UPP2: variants seen among roughly 807,000 people sequenced by gnomAD.
UPP2 encodes UPase 2.
A neutral mutation model predicts 26.7 loss-of-function variants in UPP2; 23 were observed. That is an observed-to-expected ratio of 0.86 (90% CI 0.62 to 1.22). UPP2 has a LOEUF of 1.22. Among genes scored for constraint, UPP2 ranks in the 50% most tolerant of loss-of-function variants. The pLI is 0.00. For synonymous variants in UPP2, 127 were observed against 141.3 expected, an observed-to-expected ratio of 0.90 and a Z score of 0.72; for missense variants, 387 against 396.7, an observed-to-expected ratio of 0.98 and a Z score of 0.21.
In UPP2 at chr2:158,004,659, G is replaced by A. The variant is rs77903391; in HGVS notation, c.61+9400G>A. Among the ~76,000 whole-genome samples, 1,376 of 152,218 alleles carry A rather than the reference G, an allele frequency of 9.0e-3. 24 individuals carry two copies. Among genetic ancestry groups the A allele is most frequent in the African/African-American group, 0.028 (1,176 of 41,522 alleles). On this transcript the variant is annotated intron_variant, in intron 2 of 9. Coordinates refer to the UPP2 transcript ENST00000605860. ...GGAGATGGATAAGAAACAAGTAAAC[G>A]CCCAACTTTCTGTGCTTCCTCAGTT... is the stretch of plus-strand genomic sequence containing the variant.
intron 3 of UPP2, among the ~76,000 whole-genome samples, chr2:158,064,460 T>G (rs1682403820): frequency 6.6e-6 from 1 of 152,096 alleles, no homozygotes; most frequent in Admixed American, 6.5e-5. Flanking sequence ...TCTTGTAAAT[T>G]TAAGTTCTTT....
At chr2:158,065,865 C>A in intron 3 of UPP2, 1 of 655,912 alleles carries the variant, frequency 1.5e-6, no homozygotes, top group Non-Finnish European at 2.8e-6. Context: ...CATTGCAGGC[C>A]TTGGGAGAGC....
chr2:158,095,429 T>C (rs1682969911), intron 3 of UPP2, among the ~76,000 whole-genome samples: 1 of 152,118 alleles, frequency 6.6e-6, no homozygotes, highest in Non-Finnish European at 1.5e-5. Flanking sequence ...CAGTCCTACT[T>C]CACCTTCAAC....
intron 6 of UPP2, among the ~76,000 whole-genome samples, chr2:158,127,421 G>A (rs1445101819): frequency 3.3e-5 from 5 of 151,892 alleles, no homozygotes; most frequent in Admixed American, 1.3e-4. Context: ...AATAATGCCT[G>A]CCATATGGGC....
intron 3 of UPP2, among the ~76,000 whole-genome samples, chr2:158,024,520 T>G (rs1242022873): frequency 6.6e-6 from 1 of 152,198 alleles, no homozygotes; most frequent in Non-Finnish European, 1.5e-5. Context: ...CGGCGTCAAT[T>G]TGAAGAGCTC....
intron 3 of UPP2, among the ~76,000 whole-genome samples, chr2:158,096,402 C>A (rs1049865995): frequency 6.6e-6 from 1 of 152,142 alleles, no homozygotes; most frequent in African/African-American, 2.4e-5. Context: ...AGTTCGAGAC[C>A]AGCCTGGCCA....
intron 3 of UPP2, among the ~76,000 whole-genome samples, chr2:158,022,663 A>G (rs1683771088): frequency 6.6e-6 from 1 of 152,038 alleles, no homozygotes; most frequent in Admixed American, 6.5e-5. Flanking sequence ...CTCCATTCCC[A>G]TCTTCTCCCC....
intron 3 of UPP2, among the ~76,000 whole-genome samples, chr2:158,079,304 A>AC (rs1470252716): frequency 6.6e-6 from 1 of 152,154 alleles, no homozygotes; most frequent in Non-Finnish European, 1.5e-5. Flanking sequence ...TTTTTAAAAA[A>AC]AGGAAAAAGC....
chr2:158,035,788 T>C (rs1440622076), intron 3 of UPP2, among the ~76,000 whole-genome samples: 1 of 152,226 alleles, frequency 6.6e-6, no homozygotes, highest in African/African-American at 2.4e-5. Flanking sequence ...GATTGACTGG[T>C]CCAGAGATGT....
At chr2:158,120,553 T>A (rs1683542964) in intron 4 of UPP2, among the ~76,000 whole-genome samples, 1 of 152,040 alleles carries the variant, frequency 6.6e-6, no homozygotes, top group South Asian at 2.1e-4. Context: ...GAGAAAAAGA[T>A]AAACAAATGG....
intron 3 of UPP2, among the ~76,000 whole-genome samples, chr2:158,028,202 T>C (rs1238832553): frequency 6.6e-6 from 1 of 152,208 alleles, no homozygotes; most frequent in Non-Finnish European, 1.5e-5. Context: ...GCTGCAGATT[T>C]TCCAAACTTT....
Position 158,010,971 on chromosome 2 carries a change from G to C in UPP2, c.62-4830G>C, listed in dbSNP as rs1574244164. ...AGTAGAGACGGGGTTTCTCCATGTTGGCCAGGCTGGTCTCGAACTCCTGAC... is the reference window on the plus strand; with the variant it reads ...AGTAGAGACGGGGTTTCTCCATGTTCGCCAGGCTGGTCTCGAACTCCTGAC... On this transcript the variant is annotated intron_variant, in intron 2 of 9. Coordinates refer to the UPP2 transcript ENST00000605860. Among the ~76,000 whole-genome samples, 6 of 152,012 alleles carry C rather than the reference G, an allele frequency of 3.9e-5. No individual in the cohort carries two copies. In the East Asian group the frequency reaches 1.2e-3, roughly 29 times the overall value.
chr2:158,039,162 A>C (rs4664239), intron 3 of UPP2, among the ~76,000 whole-genome samples: 52,923 of 152,022 alleles, frequency 0.35, 10,172 homozygotes, highest in African/African-American at 0.51. Flanking sequence ...GAGGCTGGGG[A>C]AGTGAAGGGG....
rs1348248266 is a variant in UPP2, at chr2:158,121,334, A to G, written c.455-75A>G. Reference sequence around the variant, plus strand: ...CATTAGCAGCTAGCATTAATACTAGAATAAGTTACATACTATGTGTCAAAA... The same window carrying G: ...CATTAGCAGCTAGCATTAATACTAGGATAAGTTACATACTATGTGTCAAAA... On this transcript the variant is annotated intron_variant, in intron 4 of 6. Coordinates refer to ENST00000005756, the MANE Select transcript of UPP2 (RefSeq NM_173355.4). The G allele has an allele frequency of 1.3e-5, 17 of 1,328,636 alleles. No individual in the cohort carries two copies. The Admixed American group carries it at 2.8e-4, about 22-fold the overall frequency. 82.3% of individuals were successfully genotyped at this position (1,328,636 alleles called of 1,614,324 possible).
rs1300615524 is a variant in UPP2, at chr2:158,102,074, T to C, written c.11T>C (p.Val4Ala). The C allele has an allele frequency of 6.2e-7, 1 of 1,613,478 alleles. No homozygotes were observed. The highest frequency in any genetic ancestry group is 8.5e-7 in the Non-Finnish European group (1 of 1,179,766). MAS[V>A]IPASNRSMRS... Reference sequence around the variant, plus strand: ...CACATAGTAGAGAGAATGGCTTCAGTTATACCTGCCTCCAATAGGTCCATG... The same window carrying C: ...CACATAGTAGAGAGAATGGCTTCAGCTATACCTGCCTCCAATAGGTCCATG... The change falls in exon 1 of 7, where the codon GTT becomes GCT. Residue 4 changes from valine to alanine, a missense_variant. Coordinates refer to ENST00000005756, the MANE Select transcript of UPP2 (RefSeq NM_173355.4).
At chr2:158,081,160 T>C (rs1284492457) in intron 3 of UPP2, among the ~76,000 whole-genome samples, 1 of 152,082 alleles carries the variant, frequency 6.6e-6, no homozygotes, top group Non-Finnish European at 1.5e-5. Flanking sequence ...TTGTATGAAA[T>C]GATGATTTTG....
intron 2 of UPP2, among the ~76,000 whole-genome samples, chr2:158,007,511 A>G (rs1036862405): frequency 4.0e-5 from 6 of 151,762 alleles, no homozygotes; most frequent in Non-Finnish European, 8.8e-5. Context: ...TCATCTAACC[A>G]TGTCATTGTG....
rs747125164 is a variant in UPP2, at chr2:158,134,802, T to C, written c.866T>C (p.Leu289Ser). ...LDRLDCDQIN[L>S]PHDVLVEYQQ... The stretch of plus-strand genomic sequence containing the variant: ...AGACTCGACTGTGATCAGATCAACT[T>C]GCCTCATGATGTCCTGGTGGAGTAC... The change falls in exon 7 of 7, where the codon TTG becomes TCG. Residue 289 changes from leucine (L) to serine (S), a missense_variant. Leu to Ser is a moderately radical substitution (Grantham distance 145). Transcript: ENST00000005756. 18 of 1,613,690 alleles carry C rather than the reference T, an allele frequency of 1.1e-5. No individual in the cohort carries two copies. The highest frequency in any genetic ancestry group is 3.3e-4 in the Middle Eastern group (2 of 6,082).
intron 2 of UPP2, among the ~76,000 whole-genome samples, chr2:158,014,384 A>G (rs954847544): frequency 1.3e-5 from 2 of 152,306 alleles, no homozygotes; most frequent in East Asian, 1.9e-4. Context: ...GGTCTGTAGA[A>G]CTGGCCCTGC....
Sources: gnomAD v4.1 joint callset for allele counts (sites outside exome capture counted in the v4.1 genomes callset) on GRCh38, gnomAD v4.1.1 for gene constraint, MANE v1.5 for transcripts, NCBI Gene and HGNC (gene_info 2026-07-23, HGNC 2026-07-21) for gene names.